The following AAMDC variants were observed in gnomAD, a reference collection of about 807,000 sequenced individuals.
The protein encoded by AAMDC is adipogenesis associated Mth938 domain containing, also known as mth938 domain-containing protein.
In AAMDC, 16 loss-of-function variants were observed where a neutral mutation model predicts 15.5. That is an observed-to-expected ratio of 1.03 (90% CI 0.70 to 1.57). The LOEUF is 1.57. Among genes scored for constraint, AAMDC ranks in the 40% most tolerant of loss-of-function variants. The probability of loss-of-function intolerance (pLI) is 0.00; values close to 1 mark genes in which losing one functional copy is unlikely to be tolerated. For missense variants in AAMDC, 141 were observed against 144.9 expected, an observed-to-expected ratio of 0.97 and a Z score of 0.14; for synonymous variants, 51 against 51.6, an observed-to-expected ratio of 0.99 and a Z score of 0.05.
At chr11:77,828,184 A>C (rs1454646755) in intron 1 of AAMDC, among the ~76,000 whole-genome samples, 2 of 151,992 alleles carry the variant, frequency 1.3e-5, no homozygotes, top group Non-Finnish European at 2.9e-5. Context: ...CTGAGGCAGG[A>C]GAATCACTTG....
chr11:77,887,666 G>T (rs1039551648), intron 5 of AAMDC, among the ~76,000 whole-genome samples: 5 of 152,134 alleles, frequency 3.3e-5, no homozygotes, highest in African/African-American at 1.2e-4. Context: ...TGTATATCTA[G>T]AAAACCCCAT....
chr11:77,865,083 G>A (rs1299398758), intron 2 of AAMDC, among the ~76,000 whole-genome samples: 1 of 152,082 alleles, frequency 6.6e-6, no homozygotes, highest in Non-Finnish European at 1.5e-5. Flanking sequence ...CCTATAATAT[G>A]TCTCCCTTGT....
At chr11:77,824,667 A>C (rs934771532) in intron 1 of AAMDC, among the ~76,000 whole-genome samples, 1 of 152,168 alleles carries the variant, frequency 6.6e-6, no homozygotes, top group Admixed American at 6.5e-5. Flanking sequence ...GGTCAAAACT[A>C]ATCTGTGGCA....
chr11:77,867,840 G>C lies in AAMDC; in HGVS notation c.133-1882G>C, dbSNP rs535096803. 2.6e-5 allele frequency among the ~76,000 whole-genome samples: 4 copies of C among 152,262 alleles called. No individual in the cohort carries two copies. In the East Asian group the frequency reaches 7.7e-4, roughly 29 times the overall value. On this transcript the variant is annotated intron_variant, in intron 2 of 3. Coordinates refer to ENST00000393427, the MANE Select transcript of AAMDC (RefSeq NM_024684.4). The stretch of plus-strand genomic sequence containing the variant: ...ACTGGGAAGACTTTTCAGAGTGATT[G>C]GTAGGTTTTAAAGCATAAAAAGAAG...
intron 2 of AAMDC, among the ~76,000 whole-genome samples, chr11:77,860,489 A>C (rs1021357133): frequency 3.3e-5 from 5 of 152,222 alleles, no homozygotes; most frequent in African/African-American, 1.2e-4. Flanking sequence ...TTTGGTTTGG[A>C]AACCTGGTAG....
At chr11:77,880,208 G>A (rs1244809250) in intron 5 of AAMDC, among the ~76,000 whole-genome samples, 1 of 152,204 alleles carries the variant, frequency 6.6e-6, no homozygotes, top group Non-Finnish European at 1.5e-5. Flanking sequence ...GGGTAGGAAT[G>A]AAGGCTAGAT....
chr11:77,865,915 T>C (rs533938186), intron 2 of AAMDC, among the ~76,000 whole-genome samples: 1 of 152,296 alleles, frequency 6.6e-6, no homozygotes, highest in South Asian at 2.1e-4. Context: ...AAAACAGGCC[T>C]CTGCCCTGGC....
intron 1 of AAMDC, among the ~76,000 whole-genome samples, chr11:77,833,921 C>T (rs538134996): frequency 6.5e-4 from 99 of 152,230 alleles, no homozygotes; most frequent in African/African-American, 2.4e-3. Context: ...AAGAGTTATA[C>T]ATGTTAGAAG....
intron 2 of AAMDC, among the ~76,000 whole-genome samples, chr11:77,852,388 C>T (rs981317941): frequency 6.6e-6 from 1 of 152,068 alleles, no homozygotes; most frequent in Non-Finnish European, 1.5e-5. Flanking sequence ...TCCTGTCTGT[C>T]TTGATTTTAA....
intron 1 of AAMDC, chr11:77,841,224 G>A (rs1949917934): frequency 4.3e-6 from 3 of 702,258 alleles, no homozygotes; most frequent in Non-Finnish European, 7.8e-6. Flanking sequence ...AGCTCTTAAA[G>A]GTCCCACCTC....
In AAMDC at chr11:77,879,064, C is replaced by T. The variant is rs1951690702; in HGVS notation, c.328+2015C>T. 2.5e-6 allele frequency: 4 copies of T among 1,614,080 alleles called. No homozygotes were observed. Among genetic ancestry groups the T allele is most frequent in the East Asian group, 4.5e-5 (2 of 44,892 alleles). Reference sequence around the variant, plus strand: ...CATCTCACCACCCTCCATCCAGGGGCATTTTGGAATGCGAGCACTGGAGTT... The same window carrying T: ...CATCTCACCACCCTCCATCCAGGGGTATTTTGGAATGCGAGCACTGGAGTT... On this transcript the variant is annotated intron_variant, in intron 5 of 5. Transcript: ENST00000304716.
chr11:77,824,854 G>T (rs1348593315), intron 1 of AAMDC, among the ~76,000 whole-genome samples: 1 of 152,166 alleles, frequency 6.6e-6, no homozygotes, highest in Non-Finnish European at 1.5e-5. Flanking sequence ...TTCAATTTTA[G>T]AAGTTAATGG....
intron 5 of AAMDC, among the ~76,000 whole-genome samples, chr11:77,889,698 C>A (rs1029187248): frequency 6.6e-6 from 1 of 152,122 alleles, no homozygotes; most frequent in African/African-American, 2.4e-5. Context: ...TGAAGTAGTG[C>A]CTGGAACAGA....
intron 5 of AAMDC, among the ~76,000 whole-genome samples, chr11:77,878,195 T>C (rs549056894): frequency 1.2e-3 from 175 of 152,094 alleles, no homozygotes; most frequent in African/African-American, 3.9e-3. Flanking sequence ...ACCCCGTCTC[T>C]ACTAAAAATA....
At chr11:77,834,106 T>G (rs1317047884) in intron 1 of AAMDC, among the ~76,000 whole-genome samples, 1 of 152,242 alleles carries the variant, frequency 6.6e-6, no homozygotes, top group Admixed American at 6.5e-5. Flanking sequence ...TTAAATCTTA[T>G]AATCCTAGAC....
intron 2 of AAMDC, among the ~76,000 whole-genome samples, chr11:77,855,064 T>C (rs920809915): frequency 1.3e-5 from 2 of 152,116 alleles, no homozygotes; most frequent in Admixed American, 6.5e-5. Context: ...CTTTTAACCA[T>C]AGCTAGAGCT....
Position 77,866,849 on chromosome 11 carries a change from C to CT in AAMDC, c.133-2865dup, listed in dbSNP as rs112968328. On this transcript the variant is annotated intron_variant, in intron 2 of 3. Coordinates refer to ENST00000393427, the MANE Select transcript of AAMDC (RefSeq NM_024684.4). ...CATACGTTTCTTTTTTTTCTTTTTC[C>CT]TTTTTTTTGAGACAGAGTTTCGCTC... 1,256 of 151,190 alleles carry CT rather than the reference C, an allele frequency of 8.3e-3. 14 individuals are homozygous for CT. The highest frequency in any genetic ancestry group is 0.027 in the African/African-American group (1,110 of 41,248). The allele number at this position is 151,190 out of a possible 1,614,324, so 9.4% of individuals were successfully genotyped here.
At chr11:77,877,885 C>T (rs1389323757) in intron 5 of AAMDC, among the ~76,000 whole-genome samples, 1 of 152,084 alleles carries the variant, frequency 6.6e-6, no homozygotes, top group African/African-American at 2.4e-5. Flanking sequence ...GCCCCCAGCC[C>T]CATGCCTAAA....
chr11:77,851,809 G>C (rs1950396550), intron 2 of AAMDC, among the ~76,000 whole-genome samples: 1 of 152,152 alleles, frequency 6.6e-6, no homozygotes, highest in African/African-American at 2.4e-5. Flanking sequence ...ACAGCCTGCA[G>C]AACTGTGAAG....
Sources: gnomAD v4.1 joint callset for allele counts (sites outside exome capture counted in the v4.1 genomes callset) on GRCh38, gnomAD v4.1.1 for gene constraint, MANE v1.5 for transcripts, NCBI Gene and HGNC (gene_info 2026-07-23, HGNC 2026-07-21) for gene names.